UBE4B: variants seen among roughly 807,000 people sequenced by gnomAD.
The protein encoded by UBE4B is ubiquitin conjugation factor E4 B.
In UBE4B, 27 loss-of-function variants were observed where a neutral mutation model predicts 148.1. The observed-to-expected ratio is 0.18, with a 90% CI of 0.13 to 0.25. The LOEUF (loss-of-function observed/expected upper bound fraction) is 0.25. UBE4B is among the 10% of genes least tolerant of loss of function. The probability of loss-of-function intolerance (pLI) is 1.00; values close to 1 mark genes in which losing one functional copy is unlikely to be tolerated. For synonymous variants in UBE4B, 596 were observed against 619.3 expected (o/e 0.96, Z 0.56); for missense variants, 1,170 against 1,662.4 (o/e 0.70, Z 5.15).
At chr1:10,097,499 G>A (rs917672425) in intron 3 of UBE4B, among the ~76,000 whole-genome samples, 4 of 152,008 alleles carry the variant, frequency 2.6e-5, no homozygotes, top group Non-Finnish European at 4.4e-5. Flanking sequence ...CAGGCCAGGA[G>A]CATTTGAAAG....
rs1646476083 is a variant in UBE4B, at chr1:10,179,575, G to A, written c.3847+13G>A. 1 of 1,611,772 alleles carries A rather than the reference G, an allele frequency of 6.2e-7. No individual in the cohort carries two copies. The highest frequency in any genetic ancestry group is 2.2e-5 in the East Asian group (1 of 44,878). ...ATGCTGGAACCAGGTAGAGGAGGGT[G>A]CAGTTTGAGGTGCAGCGCTGGCGTC... On this transcript the variant is annotated intron_variant, in intron 27 of 27. Transcript: ENST00000343090.
intron 7 of UBE4B, among the ~76,000 whole-genome samples, chr1:10,114,412 G>C (rs1039536297): frequency 4.6e-5 from 7 of 152,268 alleles, no homozygotes; most frequent in African/African-American, 1.4e-4. Flanking sequence ...GGGGTTCCCT[G>C]CACTTCTCTC....
At chr1:10,068,886 C>G (rs1268101080) in intron 1 of UBE4B, among the ~76,000 whole-genome samples, 1 of 152,182 alleles carries the variant, frequency 6.6e-6, no homozygotes, top group East Asian at 1.9e-4. Flanking sequence ...AACGCTGCCC[C>G]CTGCATGGCT....
chr1:10,167,441 A>AAAAAATAAT (rs371641855), intron 23 of UBE4B, among the ~76,000 whole-genome samples: 4 of 147,164 alleles, frequency 2.7e-5, no homozygotes, highest in African/African-American at 2.5e-5. Context: ...CCGTCTCAAA[A>AAAAAATAAT]AATAATAATA....
intron 23 of UBE4B, chr1:10,166,288 C>T (rs1430761086): frequency 6.6e-6 from 1 of 152,184 alleles, no homozygotes; most frequent in Admixed American, 6.5e-5. Flanking sequence ...TCAAACAGCT[C>T]TTATTATCTC....
intron 2 of UBE4B, among the ~76,000 whole-genome samples, chr1:10,089,938 G>A (rs929647362): frequency 6.6e-6 from 1 of 151,858 alleles, no homozygotes; most frequent in Admixed American, 6.6e-5. Context: ...TCCTTGATCC[G>A]CCCACCTCGG....
chr1:10,119,420 A>G, intron 8 of UBE4B, 93 bp from the exon 9 acceptor site: 1 of 1,246,556 alleles, frequency 8.0e-7, no homozygotes, highest in East Asian at 2.5e-5. Context: ...CACGCTGTTT[A>G]CTGATGGTCC....
chr1:10,121,964 C>G lies in UBE4B; in HGVS notation c.1442C>G (p.Ser481Cys), dbSNP rs1406043582. 1 of 1,610,512 alleles carries G rather than the reference C, an allele frequency of 6.2e-7. No homozygotes were observed. ...VLQGSLTQPR[S>C]LQQPSFLVPY... ...CCCTAATGTTCATGGGTCCACAGGT[C>G]CTTGCAGCAGCCGTCCTTCCTAGTG... is the stretch of plus-strand genomic sequence containing the variant. The change falls in exon 10 of 28, where the codon TCC becomes TGC. Residue 481 changes from serine (S) to cysteine (C), a missense_variant and splice_region_variant. This residue lies in a region of UBE4B where 388 missense variants were observed against 536.0 expected (regional missense o/e 0.72). Transcript: ENST00000343090.
At chr1:10,072,763 A>G (rs1570827049) in intron 2 of UBE4B, 1 of 347,470 alleles carries the variant, frequency 2.9e-6, no homozygotes. Context: ...TTGTTGGGAA[A>G]TGATATTTCT....
At chr1:10,062,375 C>T (rs1214433172) in intron 1 of UBE4B, among the ~76,000 whole-genome samples, 1 of 152,134 alleles carries the variant, frequency 6.6e-6, no homozygotes, top group East Asian at 1.9e-4. Context: ...TGCCATGGCA[C>T]GATCCTGGCT....
intron 1 of UBE4B, among the ~76,000 whole-genome samples, chr1:10,062,111 T>C (rs939134615): frequency 6.6e-6 from 1 of 151,946 alleles, no homozygotes; most frequent in African/African-American, 2.4e-5. Context: ...TGTTTCACCA[T>C]GTTGGCCAGG....
At chr1:10,132,280 G>A in intron 14 of UBE4B, 89 bp from the exon 15 acceptor site, 1 of 904,314 alleles carries the variant, frequency 1.1e-6, no homozygotes, top group South Asian at 1.6e-5. Context: ...GAGAGAACGT[G>A]GGAAGTAGGC....
intron 3 of UBE4B, 120 bp from the exon 4 acceptor site, chr1:10,100,988 C>A: frequency 2.6e-6 from 2 of 768,368 alleles, no homozygotes; most frequent in Non-Finnish European, 4.2e-6. Flanking sequence ...AAAGATGGAC[C>A]ATTATCATTT....
Position 10,101,213 on chromosome 1 carries a change from C to A in UBE4B, c.435+18C>A. On this transcript the variant is annotated intron_variant, in intron 4 of 27. Coordinates refer to ENST00000343090, the MANE Select transcript of UBE4B (RefSeq NM_001105562.3). ...GTGATAAGGTTGGTAAGCGATGAAG[C>A]CCTTGGTACAGGTAATAGAAATAAA... 6.2e-7 allele frequency: 1 copy of A among 1,610,540 alleles called. No individual in the cohort carries two copies. The highest frequency in any genetic ancestry group is 8.5e-7 in the Non-Finnish European group (1 of 1,176,848).
At chr1:10,064,484 A>G (rs911196308) in intron 1 of UBE4B, among the ~76,000 whole-genome samples, 2 of 152,198 alleles carry the variant, frequency 1.3e-5, no homozygotes, top group Non-Finnish European at 2.9e-5. Context: ...TTAAGGATAC[A>G]GGAGTCTTCT....
intron 3 of UBE4B, among the ~76,000 whole-genome samples, chr1:10,096,533 A>G (rs1293080975): frequency 1.3e-5 from 2 of 151,938 alleles, no homozygotes; most frequent in South Asian, 2.1e-4. Flanking sequence ...GAAGTTCAAG[A>G]CCAACCTGGA....
chr1:10,174,403 AAAAG>A (rs1379140020), intron 25 of UBE4B, among the ~76,000 whole-genome samples: 1 of 149,866 alleles, frequency 6.7e-6, no homozygotes, highest in Non-Finnish European at 1.5e-5. Context: ...AAAAAAAAAA[AAAAG>A]AAGAAGTATT....
rs193233891 is a variant in UBE4B, at chr1:10,055,980, C to T, written c.25-16048C>T. Among the ~76,000 whole-genome samples, 8 of 152,204 alleles carry T rather than the reference C, an allele frequency of 5.3e-5. No individual in the cohort carries two copies. In the South Asian group the frequency reaches 1.2e-3, roughly 24 times the overall value. ...GAAGTAGTAGATGCTTAGTCATCTA[C>T]GTTAATCTTGTCTGTTGAACCAAGT... On this transcript the variant is annotated intron_variant, in intron 1 of 27. Transcript: ENST00000343090.
At chr1:10,147,980 C>T (rs1431182799) in intron 19 of UBE4B, among the ~76,000 whole-genome samples, 1 of 152,064 alleles carries the variant, frequency 6.6e-6, no homozygotes, top group Non-Finnish European at 1.5e-5. Flanking sequence ...ATAATCCCAG[C>T]ACTTTGGGAG....
Sources: allele counts gnomAD v4.1 joint callset (sites outside exome capture counted in the v4.1 genomes callset), GRCh38; gene constraint gnomAD v4.1.1; regional missense constraint gnomAD v4.1.1; transcripts MANE v1.5; gene names NCBI Gene and HGNC (gene_info 2026-07-23, HGNC 2026-07-21).